The following NXPE3 variants were observed in gnomAD, a reference collection of about 807,000 sequenced individuals.
The protein encoded by NXPE3 is neurexophilin and PC-esterase domain family member 3.
NXPE3 carries 26 observed loss-of-function variants against 46.1 expected under a neutral mutation model. That is an observed-to-expected ratio of 0.56 (90% CI 0.41 to 0.78). The LOEUF is 0.78. NXPE3 is among the 30% of genes least tolerant of loss of function. The probability of loss-of-function intolerance (pLI) is 0.00; values close to 1 mark genes in which losing one functional copy is unlikely to be tolerated. For synonymous variants in NXPE3, 272 were observed against 257.9 expected (o/e 1.05, Z -0.52); for missense variants, 620 against 686.0 (o/e 0.90, Z 1.07).
intron 4 of NXPE3, among the ~76,000 whole-genome samples, chr3:101,793,656 T>TA (rs1940652949): frequency 1.5e-5 from 2 of 131,852 alleles, no homozygotes; most frequent in Non-Finnish European, 3.2e-5. Flanking sequence ...TTTTTTTTTT[T>TA]ATCTGTGCTT....
intron 1 of NXPE3, chr3:101,781,806 A>C (rs1939838869): frequency 6.6e-6 from 1 of 152,210 alleles, no homozygotes. Flanking sequence ...TTTTTAAGAA[A>C]AATAACATTT....
intron 5 of NXPE3, among the ~76,000 whole-genome samples, chr3:101,804,650 A>G (rs939354380): frequency 6.6e-6 from 1 of 151,926 alleles, no homozygotes; most frequent in Non-Finnish European, 1.5e-5. Flanking sequence ...AAATATGTTG[A>G]GCTGATATCC....
intron 6 of NXPE3, among the ~76,000 whole-genome samples, chr3:101,808,854 T>TATATATATATATATAC (rs770360739): frequency 1.1e-3 from 114 of 100,314 alleles, no homozygotes; most frequent in South Asian, 1.9e-3. Context: ...TATATATATA[T>TATATATATATATATAC]ATGAGACATT....
At chr3:101,797,042 C>G (rs1457470201) in intron 4 of NXPE3, among the ~76,000 whole-genome samples, 1 of 152,070 alleles carries the variant, frequency 6.6e-6, no homozygotes, top group Non-Finnish European at 1.5e-5. Flanking sequence ...TTATATGCCT[C>G]AGGTTAGGTA....
intron 4 of NXPE3, 38 bp downstream of exon 4, chr3:101,785,727 C>A: frequency 6.5e-7 from 1 of 1,543,406 alleles, no homozygotes; most frequent in Non-Finnish European, 9.0e-7. Context: ...CTAAGGGAGC[C>A]GAGTCTGGGG....
At chr3:101,814,546 A>C (rs1941879011) in intron 6 of NXPE3, among the ~76,000 whole-genome samples, 1 of 152,200 alleles carries the variant, frequency 6.6e-6, no homozygotes. Flanking sequence ...TAAAAACCAA[A>C]ATAATTTGGA....
chr3:101,820,928 G>T (rs1406430459), intron 7 of NXPE3, among the ~76,000 whole-genome samples: 1 of 152,108 alleles, frequency 6.6e-6, no homozygotes, highest in Non-Finnish European at 1.5e-5. Flanking sequence ...TGGGTACTGG[G>T]CTTAAAACCT....
chr3:101,807,866 C>T (rs747981223), intron 6 of NXPE3, among the ~76,000 whole-genome samples: 1 of 152,142 alleles, frequency 6.6e-6, no homozygotes, highest in Non-Finnish European at 1.5e-5. Flanking sequence ...TTGTGTTGGA[C>T]ATTGCTGCTC....
In NXPE3 at chr3:101,821,279, T is replaced by C; in HGVS notation, c.1130-125T>C. The stretch of plus-strand genomic sequence containing the variant: ...CAGTGAAATAGGTATTCCCTTTACA[T>C]TTATATTGTACCTTTTTGTTGTACT... On this transcript the variant is annotated intron_variant, in intron 7 of 7. Transcript: ENST00000273347. The C allele has an allele frequency of 5.6e-6, 4 of 719,760 alleles. No homozygotes were observed. In the Admixed American group the frequency reaches 1.1e-4, roughly 20 times the overall value. 44.6% of individuals were successfully genotyped at this position (719,760 alleles called of 1,614,324 possible).
intron 4 of NXPE3, among the ~76,000 whole-genome samples, chr3:101,798,590 A>ATG (rs1940968691): frequency 7.8e-6 from 1 of 128,614 alleles, no homozygotes; most frequent in Non-Finnish European, 1.7e-5. Context: ...GTGTGTCTAT[A>ATG]TATATATATA....
chr3:101,787,659 G>A (rs759186012), intron 4 of NXPE3, among the ~76,000 whole-genome samples: 5 of 152,122 alleles, frequency 3.3e-5, no homozygotes, highest in African/African-American at 1.2e-4. Context: ...CGTCCCCAAG[G>A]TTCACTCATG....
At chr3:101,798,674 A>G in intron 4 of NXPE3, among the ~76,000 whole-genome samples, 1 of 150,764 alleles carries the variant, frequency 6.6e-6, no homozygotes, top group Admixed American at 6.6e-5. Flanking sequence ...GTGCAGTGGC[A>G]CAATCTCAGC....
intron 6 of NXPE3, among the ~76,000 whole-genome samples, chr3:101,811,727 A>ATTTTTTTT (rs33999838): frequency 2.0e-5 from 2 of 98,618 alleles, no homozygotes; most frequent in East Asian, 2.8e-4. Context: ...GCAGTAGTTA[A>ATTTTTTTT]TTTTTTTTTT....
chr3:101,801,878 CCTGGTT>C lies in NXPE3; in HGVS notation c.741_746del (p.Trp247_Phe248del), dbSNP rs766950081. ...TTTACAGACCTCTACACTGGGGAGC[CCTGGTT>C]CTGCTTCAAACCAAAGAAGCTCCCT... On this transcript the variant is annotated inframe_deletion, in exon 5 of 8. Coordinates refer to ENST00000273347, the MANE Select transcript of NXPE3 (RefSeq NM_145037.4). The C allele has an allele frequency of 6.2e-7, 1 of 1,614,158 alleles. No homozygotes were observed. The highest frequency in any genetic ancestry group is 8.5e-7 in the Non-Finnish European group (1 of 1,180,022).
intron 7 of NXPE3, among the ~76,000 whole-genome samples, chr3:101,819,873 A>G (rs191832801): frequency 3.6e-4 from 55 of 152,292 alleles, no homozygotes; most frequent in Middle Eastern, 3.4e-3. Context: ...TGAGACCTTG[A>G]TTAATATTTC....
rs145402433 is a variant in NXPE3, at chr3:101,804,183, C to T, written c.848+2194C>T. ...TTACGTTGTCAGTCTACTTAGTGGCCTAGCAAAGAGGAAGAAACATAGTAA... is the reference window on the plus strand; with the variant it reads ...TTACGTTGTCAGTCTACTTAGTGGCTTAGCAAAGAGGAAGAAACATAGTAA... On this transcript the variant is annotated intron_variant, in intron 5 of 7. Coordinates refer to ENST00000273347, the MANE Select transcript of NXPE3 (RefSeq NM_145037.4). 4.5e-4 allele frequency among the ~76,000 whole-genome samples: 69 copies of T among 152,128 alleles called. 1 individual carries two copies. Among genetic ancestry groups the T allele is most frequent in the African/African-American group, 1.6e-3 (66 of 41,468 alleles).
chr3:101,794,739 A>G (rs1471434469), intron 4 of NXPE3, among the ~76,000 whole-genome samples: 1 of 152,190 alleles, frequency 6.6e-6, no homozygotes, highest in Non-Finnish European at 1.5e-5. Flanking sequence ...GAGAGACTTG[A>G]GAGGGTAGGC....
chr3:101,786,051 C>G (rs879941207), intron 4 of NXPE3, among the ~76,000 whole-genome samples: 1 of 152,142 alleles, frequency 6.6e-6, no homozygotes, highest in Non-Finnish European at 1.5e-5. Context: ...AAGGAAAAAC[C>G]TCTTCAAGGA....
In NXPE3 at chr3:101,822,820, T is replaced by C. The variant is rs1477169488; in HGVS notation, c.*866T>C. The C allele has an allele frequency of 1.4e-5, 2 of 143,032 alleles. No homozygotes were observed. The highest frequency in any genetic ancestry group is 2.6e-5 in the African/African-American group (1 of 38,242). 8.9% of individuals were successfully genotyped at this position (143,032 alleles called of 1,614,324 possible). On this transcript the variant is annotated 3_prime_UTR_variant, in exon 8 of 8. Coordinates refer to ENST00000273347, the MANE Select transcript of NXPE3 (RefSeq NM_145037.4). ...ATATTATAAAGCTGTGGAAGTTTTT[T>C]CCACTAGTTTCAGGTGTTTTTTTTT... is the stretch of plus-strand genomic sequence containing the variant.
Sources: allele counts gnomAD v4.1 joint callset (sites outside exome capture counted in the v4.1 genomes callset), GRCh38; gene constraint gnomAD v4.1.1; transcripts MANE v1.5; gene names NCBI Gene and HGNC (gene_info 2026-07-23, HGNC 2026-07-21).